PDE4B: variants seen among roughly 807,000 people sequenced by gnomAD.
PDE4B encodes the protein phosphodiesterase 4B.
PDE4B carries 20 observed loss-of-function variants against 82.2 expected under a neutral mutation model. That is an observed-to-expected ratio of 0.24 (90% CI 0.17 to 0.35). The LOEUF is 0.35. Among genes scored for constraint, PDE4B ranks in the 10% least tolerant of loss-of-function variants. The pLI is 1.00. For synonymous variants in PDE4B, 320 were observed against 318.9 expected (o/e 1.00, Z -0.04); for missense variants, 655 against 907.2 (o/e 0.72, Z 3.57).
At chr1:66,187,897 T>G (rs1021875579) in intron 3 of PDE4B, among the ~76,000 whole-genome samples, 7 of 151,682 alleles carry the variant, frequency 4.6e-5, no homozygotes. Flanking sequence ...TGTTTGCTCT[T>G]GCTTTTCTAG....
chr1:65,955,128 G>A (rs1649190397), intron 3 of PDE4B, among the ~76,000 whole-genome samples: 1 of 152,048 alleles, frequency 6.6e-6, no homozygotes, highest in Non-Finnish European at 1.5e-5. Flanking sequence ...CTTTAGTTCT[G>A]TCAGAGAGGG....
chr1:65,949,904 A>G (rs1648907789), intron 3 of PDE4B, among the ~76,000 whole-genome samples: 1 of 152,034 alleles, frequency 6.6e-6, no homozygotes, highest in Admixed American at 6.6e-5. Context: ...CCATCCAAGC[A>G]TCAGGGCCCC....
rs750564196 is a variant in PDE4B, at chr1:66,361,700, T to C, written c.927T>C (p.Ser309=). The change falls in exon 10 of 17, where the codon AGT becomes AGC. Residue 309 remains serine (S), a synonymous_variant. Transcript: ENST00000341517. ...KKKQQLMTQI[S]GVKKLMHSSS... ...AGCAGCAGCTCATGACCCAGATAAG[T>C]GGAGTGAAGAAATTAATGCATAGTT... is the stretch of plus-strand genomic sequence containing the variant. 6 of 1,613,282 alleles carry C rather than the reference T, an allele frequency of 3.7e-6. No individual in the cohort carries two copies. The highest frequency in any genetic ancestry group is 5.1e-6 in the Non-Finnish European group (6 of 1,179,574).
In PDE4B at chr1:66,367,923, T is replaced by G. The variant is rs1477322982; in HGVS notation, c.1540-20T>G. ...GATAGACTGAATTTATTAAGAGTTT[T>G]CATTTTCTTTTTACCCAAGGTGTTA... On this transcript the variant is annotated intron_variant, in intron 14 of 16. Transcript: ENST00000341517. 1.9e-6 allele frequency: 3 copies of G among 1,613,136 alleles called. No homozygotes were observed. The South Asian group carries it at 3.3e-5, about 18-fold the overall frequency.
At chr1:66,268,667 C>CAAAAAAAAAAAA (rs36046564) in intron 7 of PDE4B, among the ~76,000 whole-genome samples, 1 of 61,236 alleles carries the variant, frequency 1.6e-5, no homozygotes, top group African/African-American at 7.2e-5. Context: ...GACTCCATCT[C>CAAAAAAAAAAAA]AAAAAAAAAA....
intron 3 of PDE4B, among the ~76,000 whole-genome samples, chr1:65,924,072 T>C (rs1341344206): frequency 2.9e-5 from 1 of 34,062 alleles, no homozygotes; most frequent in Non-Finnish European, 8.5e-5. Context: ...CCTTCCAGTT[T>C]GCTAATTTTT....
intron 3 of PDE4B, among the ~76,000 whole-genome samples, chr1:66,246,355 G>A (rs1653309524): frequency 6.6e-6 from 1 of 152,214 alleles, no homozygotes. Context: ...AAAGAACCAA[G>A]AATGTAGACA....
At position 66,188,021 on chromosome 1, in the gene PDE4B, T is replaced by C. The variant is rs1010534091; in HGVS notation, c.282-59439T>C. Among the ~76,000 whole-genome samples the C allele has an allele frequency of 3.8e-3, 557 of 145,002 alleles. 16 individuals are homozygous for C. Among genetic ancestry groups the C allele is most frequent in the African/African-American group, 0.014 (547 of 39,390 alleles). On this transcript the variant is annotated intron_variant, in intron 3 of 16. Transcript: ENST00000341517. ...ACTGCTTTGAATGTGTCCCAGAGAT[T>C]CTGGTATGTTGTGTCTTTGTTCTCG... is the stretch of plus-strand genomic sequence containing the variant.
At chr1:66,271,478 C>T (rs1378231807) in intron 7 of PDE4B, among the ~76,000 whole-genome samples, 3 of 152,304 alleles carry the variant, frequency 2.0e-5, no homozygotes, top group Admixed American at 6.5e-5. Flanking sequence ...ATTGCTGGCC[C>T]TCCCAGAGGC....
intron 1 of PDE4B, among the ~76,000 whole-genome samples, chr1:65,872,722 A>G (rs1646587886): frequency 6.6e-6 from 1 of 152,226 alleles, no homozygotes; most frequent in South Asian, 2.1e-4. Flanking sequence ...TACTTGGTGC[A>G]AACTACTGTA....
At chr1:65,820,517 G>C (rs1440384755) in intron 1 of PDE4B, among the ~76,000 whole-genome samples, 4 of 152,198 alleles carry the variant, frequency 2.6e-5, no homozygotes, top group Non-Finnish European at 5.9e-5. Context: ...AGATTTAGTA[G>C]GGGTGAGATG....
chr1:66,310,488 A>T (rs1362570051), intron 7 of PDE4B, among the ~76,000 whole-genome samples: 1 of 152,178 alleles, frequency 6.6e-6, no homozygotes, highest in Non-Finnish European at 1.5e-5. Flanking sequence ...TGCACATAAT[A>T]GTTACTCAGA....
chr1:66,130,985 A>G (rs1645929838), intron 3 of PDE4B, among the ~76,000 whole-genome samples: 1 of 152,190 alleles, frequency 6.6e-6, no homozygotes, highest in African/African-American at 2.4e-5. Context: ...ATGTGGTGGG[A>G]TTAGGATGCT....
chr1:66,277,281 G>A lies in PDE4B; in HGVS notation c.634+11194G>A, dbSNP rs555228747. On this transcript the variant is annotated intron_variant, in intron 7 of 16. Coordinates refer to ENST00000341517, the MANE Select transcript of PDE4B (RefSeq NM_002600.4). ...TTAAGCAGAACATTTGTAAGTCATGGTAGACATGTAGATTTTACTGCAAAT... is the reference window on the plus strand; with the variant it reads ...TTAAGCAGAACATTTGTAAGTCATGATAGACATGTAGATTTTACTGCAAAT... Among the ~76,000 whole-genome samples, 141 of 152,292 alleles carry A rather than the reference G, an allele frequency of 9.3e-4. 4 individuals carry two copies. The South Asian group carries it at 0.019, about 21-fold the overall frequency.
intron 1 of PDE4B, among the ~76,000 whole-genome samples, chr1:65,900,449 T>C (rs1285754772): frequency 6.6e-6 from 1 of 152,028 alleles, no homozygotes; most frequent in Non-Finnish European, 1.5e-5. Flanking sequence ...GCTCTTTTTT[T>C]AATTTCACAC....
intron 3 of PDE4B, among the ~76,000 whole-genome samples, chr1:66,233,950 G>A (rs1221665598): frequency 1.3e-5 from 2 of 152,050 alleles, no homozygotes; most frequent in Admixed American, 6.6e-5. Context: ...TTCCATGTGT[G>A]TTTATGGTGA....
chr1:65,818,911 G>A (rs1429088028), intron 1 of PDE4B, among the ~76,000 whole-genome samples: 1 of 152,098 alleles, frequency 6.6e-6, no homozygotes, highest in Non-Finnish European at 1.5e-5. Flanking sequence ...AGCATAGGTT[G>A]CAATAATAAA....
chr1:66,330,683 G>T, intron 7 of PDE4B: 1 of 679,044 alleles, frequency 1.5e-6, no homozygotes, highest in Non-Finnish European at 1.8e-6. Flanking sequence ...GAGAATGGGA[G>T]GGTTCTGTCT....
intron 1 of PDE4B, among the ~76,000 whole-genome samples, chr1:65,868,166 G>C (rs551278110): frequency 4.6e-5 from 7 of 152,166 alleles, no homozygotes; most frequent in African/African-American, 1.7e-4. Flanking sequence ...GGCTCCCTAT[G>C]CTCTCTCTGC....
Sources: allele counts gnomAD v4.1 joint callset (sites outside exome capture counted in the v4.1 genomes callset), GRCh38; gene constraint gnomAD v4.1.1; transcripts MANE v1.5; gene names NCBI Gene and HGNC (gene_info 2026-07-23, HGNC 2026-07-21).